Variants in FAM210A observed in about 807,000 individuals in gnomAD.
The protein encoded by FAM210A is mitochondrial inner membrane scaffold 1.
A neutral mutation model predicts 25.3 loss-of-function variants in FAM210A; 13 were observed. The ratio of observed to expected loss-of-function variants is 0.51; its 90% CI spans 0.33 to 0.82. FAM210A has a LOEUF of 0.82. Among genes scored for constraint, FAM210A ranks in the 40% least tolerant of loss-of-function variants. The pLI is 0.02. For missense variants in FAM210A, 319 were observed against 323.2 expected (o/e 0.99, Z 0.10); for synonymous variants, 125 against 118.7 (o/e 1.05, Z -0.35).
At chr18:13,695,152 A>T (rs2043681639) in intron 1 of FAM210A, among the ~76,000 whole-genome samples, 1 of 152,252 alleles carries the variant, frequency 6.6e-6, no homozygotes, top group Non-Finnish European at 1.5e-5. Flanking sequence ...TGCAAATCAA[A>T]ACCACAATGA....
intron 1 of FAM210A, among the ~76,000 whole-genome samples, chr18:13,707,429 A>T (rs766787180): frequency 2.0e-5 from 3 of 152,224 alleles, no homozygotes; most frequent in Non-Finnish European, 2.9e-5. Context: ...TTTCTCCTAT[A>T]AACAGGACAT....
At chr18:13,666,823 C>T in intron 3 of FAM210A, 110 bp from the exon 4 acceptor site, 1 of 941,130 alleles carries the variant, frequency 1.1e-6, no homozygotes, top group African/African-American at 1.7e-5. Context: ...GAATAAATTG[C>T]CTCATTGTTT....
intron 2 of FAM210A, among the ~76,000 whole-genome samples, chr18:13,676,213 G>A (rs201974940): frequency 1.5e-4 from 16 of 108,584 alleles, no homozygotes; most frequent in Non-Finnish European, 2.1e-4. Context: ...CTGAGCCCCG[G>A]CTTCTTTATT....
intron 1 of FAM210A, among the ~76,000 whole-genome samples, chr18:13,721,264 C>A (rs1247046250): frequency 6.6e-6 from 1 of 152,124 alleles, no homozygotes; most frequent in Non-Finnish European, 1.5e-5. Context: ...TCTTTACTAA[C>A]AGATACTAAG....
chr18:13,676,004 A>T (rs1485540134), intron 2 of FAM210A, among the ~76,000 whole-genome samples: 2 of 125,778 alleles, frequency 1.6e-5, no homozygotes, highest in African/African-American at 3.0e-5. Flanking sequence ...CAGTTTCCTG[A>T]TTATTAACAT....
intron 1 of FAM210A, among the ~76,000 whole-genome samples, chr18:13,721,418 A>G (rs1312115121): frequency 6.6e-6 from 1 of 152,138 alleles, no homozygotes; most frequent in Non-Finnish European, 1.5e-5. Flanking sequence ...TCCAAGATCA[A>G]TCTGTTTTCT....
intron 1 of FAM210A, among the ~76,000 whole-genome samples, chr18:13,705,682 G>C (rs929158404): frequency 8.5e-5 from 13 of 152,104 alleles, no homozygotes; most frequent in Non-Finnish European, 1.2e-4. Context: ...ATGTTGGCCA[G>C]GATGGTTTCG....
Position 13,665,366 on chromosome 18 carries a change from A to AG in FAM210A, c.*1113dup, listed in dbSNP as rs1186639097. On this transcript the variant is annotated 3_prime_UTR_variant, in exon 4 of 4. Coordinates refer to ENST00000651643, the MANE Select transcript of FAM210A (RefSeq NM_152352.4). ...TTGCACTCCAGTCTGGGAGAGAGAGAGGGAGGCTCCGTCTCAAAAAAAAAA... is the reference window on the plus strand; with the variant it reads ...TTGCACTCCAGTCTGGGAGAGAGAGAGGGGAGGCTCCGTCTCAAAAAAAAAA... The AG allele has an allele frequency of 2.3e-5, 3 of 128,966 alleles. No homozygotes were observed. The highest frequency in any genetic ancestry group is 6.1e-5 in the African/African-American group (2 of 32,994). The allele number at this position is 128,966 out of a possible 1,614,324, so 8.0% of individuals were successfully genotyped here.
intron 1 of FAM210A, among the ~76,000 whole-genome samples, chr18:13,704,546 A>G (rs944697132): frequency 1.3e-5 from 2 of 152,222 alleles, no homozygotes; most frequent in Non-Finnish European, 2.9e-5. Context: ...CATATTTGAT[A>G]GGCTTCCGAA....
At chr18:13,677,845 A>T (rs2043518531) in intron 2 of FAM210A, among the ~76,000 whole-genome samples, 1 of 152,086 alleles carries the variant, frequency 6.6e-6, no homozygotes, top group Non-Finnish European at 1.5e-5. Context: ...TAAACTCTTA[A>T]TTTTTAATAT....
chr18:13,680,849 T>A (rs1037504314), intron 2 of FAM210A, among the ~76,000 whole-genome samples: 1 of 152,128 alleles, frequency 6.6e-6, no homozygotes, highest in Non-Finnish European at 1.5e-5. Context: ...CCTAAAGCAG[T>A]GTGAAGCAAA....
chr18:13,705,777 AAATAATTTCATAACC>A (rs2043773662), intron 1 of FAM210A, among the ~76,000 whole-genome samples: 1 of 152,112 alleles, frequency 6.6e-6, no homozygotes, highest in South Asian at 2.1e-4. Flanking sequence ...CAGCCTGCTA[AAATAATTTCATAACC>A]AATGTTTAGT....
At chr18:13,667,409 G>A (rs2043409006) in intron 3 of FAM210A, among the ~76,000 whole-genome samples, 1 of 152,176 alleles carries the variant, frequency 6.6e-6, no homozygotes, top group Admixed American at 6.5e-5. Flanking sequence ...AAGTAAAAAG[G>A]CTGCATCATA....
intron 1 of FAM210A, among the ~76,000 whole-genome samples, chr18:13,725,097 A>G (rs1261997295): frequency 6.6e-6 from 1 of 152,220 alleles, no homozygotes; most frequent in Admixed American, 6.5e-5. Context: ...CATGTTTTTA[A>G]AAGTCAAAAT....
chr18:13,677,768 T>TA (rs1019153131), intron 2 of FAM210A, among the ~76,000 whole-genome samples: 11 of 152,166 alleles, frequency 7.2e-5, no homozygotes, highest in Non-Finnish European at 1.3e-4. Context: ...ACCTCCACTG[T>TA]AAAAGCAGCT....
At chr18:13,676,169 G>GGTT (rs2043498423) in intron 2 of FAM210A, among the ~76,000 whole-genome samples, 1 of 28,294 alleles carries the variant, frequency 3.5e-5, no homozygotes, top group Non-Finnish European at 6.6e-5. Flanking sequence ...CCTGAGCCCC[G>GGTT]ACTTCATTTC....
intron 1 of FAM210A, chr18:13,697,456 A>G: frequency 5.8e-6 from 1 of 172,534 alleles, no homozygotes; most frequent in Non-Finnish European, 1.2e-5. Context: ...AGCAACAGGA[A>G]CTCTCACTTA....
At chr18:13,684,351 G>T (rs1039934488) in intron 1 of FAM210A, among the ~76,000 whole-genome samples, 1 of 151,860 alleles carries the variant, frequency 6.6e-6, no homozygotes, top group Non-Finnish European at 1.5e-5. Context: ...GTGACCCGAG[G>T]TCGCGCCACT....
At chr18:13,699,931 T>G (rs140622900) in intron 1 of FAM210A, among the ~76,000 whole-genome samples, 1 of 152,318 alleles carries the variant, frequency 6.6e-6, no homozygotes, top group Non-Finnish European at 1.5e-5. Flanking sequence ...TCCTACACTA[T>G]GGGTAAAAAA....
Sources: gnomAD v4.1 joint callset for allele counts (sites outside exome capture counted in the v4.1 genomes callset) on GRCh38, gnomAD v4.1.1 for gene constraint, MANE v1.5 for transcripts, NCBI Gene and HGNC (gene_info 2026-07-23, HGNC 2026-07-21) for gene names.